Variants in ABCB9 observed in about 807,000 individuals in gnomAD.
The protein encoded by ABCB9 is ABC-type oligopeptide transporter ABCB9.
A neutral mutation model predicts 62.0 loss-of-function variants in ABCB9; 36 were observed. That is an observed-to-expected ratio of 0.58 (90% CI 0.45 to 0.77). The LOEUF (loss-of-function observed/expected upper bound fraction) is 0.77. ABCB9 is among the 30% of genes least tolerant of loss of function. The pLI, the probability that ABCB9 is intolerant of heterozygous loss-of-function variation, is 0.00. For missense variants in ABCB9, 943 were observed against 1,054.7 expected (o/e 0.89, Z 1.47); for synonymous variants, 435 against 461.4 (o/e 0.94, Z 0.73).
chr12:122,929,086 T>G lies in ABCB9; in HGVS notation c.*825A>C, dbSNP rs2034998793. The G allele has an allele frequency of 1.0e-6, 1 of 981,674 alleles. No individual in the cohort carries two copies. The highest frequency in any genetic ancestry group is 1.8e-5 in the African/African-American group (1 of 56,126). The allele number at this position is 981,674 out of a possible 1,614,324, so 60.8% of individuals were successfully genotyped here. ...GATCCTGGGCTTTGCCACCATCCCA[T>G]CCACCAAAGACAGAAGAGAATGCAT... On this transcript the variant is annotated 3_prime_UTR_variant, in exon 12 of 12. Coordinates refer to ENST00000280560, the MANE Select transcript of ABCB9 (RefSeq NM_019625.4). The surrounding 1 kb of genome is among the most constrained non-coding windows in gnomAD (Gnocchi z 6.0).
At chr12:122,920,702 T>C (rs1024181056), downstream of ABCB9, among the ~76,000 whole-genome samples, 3 of 151,698 alleles carry the variant, frequency 2.0e-5, no homozygotes, top group African/African-American at 7.3e-5. Flanking sequence ...GTCAGGACTT[T>C]GAGACCAGCC....
At chr12:122,971,651 C>A (rs1312575804) in intron 1 of ABCB9, among the ~76,000 whole-genome samples, 1 of 152,006 alleles carries the variant, frequency 6.6e-6, no homozygotes, top group African/African-American at 2.4e-5. Flanking sequence ...GGGATTTTGC[C>A]ATGTTGACCA....
intron 2 of ABCB9, chr12:122,951,712 G>A (rs1401138428): frequency 6.6e-6 from 1 of 152,130 alleles, no homozygotes; most frequent in East Asian, 1.9e-4. Context: ...TGGGGCACTT[G>A]ACACCTTGCT....
At position 122,960,283 on chromosome 12, in the gene ABCB9, C is replaced by T. The variant is rs746254660; in HGVS notation, c.-48G>A. On this transcript the variant is annotated 5_prime_UTR_variant, in exon 2 of 12. The change creates a new upstream start codon in the 5' untranslated region. Transcript: ENST00000280560. ...GTGCTGAAGGCCAGGTTGTAGCTCA[C>T]GGGGGCAAGGCCATCATCATCCACA... is the stretch of plus-strand genomic sequence containing the variant. 25 of 1,578,382 alleles carry T rather than the reference C, an allele frequency of 1.6e-5. No individual in the cohort carries two copies. The highest frequency in any genetic ancestry group is 2.3e-5 in the South Asian group (2 of 85,116).
chr12:122,969,185 C>CT (rs1336130543), upstream of ABCB9, among the ~76,000 whole-genome samples: 1 of 143,492 alleles, frequency 7.0e-6, no homozygotes, highest in Non-Finnish European at 1.5e-5. Context: ...CCCCCCCCCC[C>CT]CCCCCGGCTG....
chr12:122,929,580 G>A lies in ABCB9; in HGVS notation c.*331C>T. Reference sequence around the variant, plus strand: ...CCGCCATTACTCCCAATTAGAAAAAGGTTTTTGAAATCTAGGAGTTGACTG... The same window carrying A: ...CCGCCATTACTCCCAATTAGAAAAAAGTTTTTGAAATCTAGGAGTTGACTG... On this transcript the variant is annotated 3_prime_UTR_variant, in exon 12 of 12. Transcript: ENST00000280560. This position sits in a 1 kb window ranked among gnomAD's most constrained non-coding sequence, Gnocchi z 6.0. The A allele has an allele frequency of 8.9e-7, 1 of 1,129,716 alleles. No homozygotes were observed. Among genetic ancestry groups the A allele is most frequent in the Non-Finnish European group, 1.1e-6 (1 of 923,268 alleles). 70.0% of individuals were successfully genotyped at this position (1,129,716 alleles called of 1,614,324 possible). A position where few individuals can be genotyped will look rare whatever the true frequency, so the allele number is the denominator to read the frequency against.
chr12:122,969,184 C>G (rs868188143), upstream of ABCB9, among the ~76,000 whole-genome samples: 17 of 147,870 alleles, frequency 1.1e-4, 2 homozygotes, highest in Admixed American at 2.0e-4. Context: ...ACCCCCCCCC[C>G]CCCCCCGGCT....
upstream of ABCB9, among the ~76,000 whole-genome samples, chr12:122,966,895 G>A (rs189662209): frequency 6.6e-5 from 10 of 152,346 alleles, no homozygotes; most frequent in African/African-American, 2.4e-4. Context: ...TCTTTCATTC[G>A]TTCACCCAAC....
upstream of ABCB9, among the ~76,000 whole-genome samples, chr12:122,966,936 T>C (rs550955895): frequency 2.0e-5 from 3 of 152,380 alleles, no homozygotes; most frequent in East Asian, 3.9e-4. Flanking sequence ...CGGCGTGCCA[T>C]ATGCCCTTTT....
chr12:122,960,192 C>G lies in ABCB9; in HGVS notation c.44G>C (p.Ser15Thr). The G allele has an allele frequency of 6.2e-7, 1 of 1,613,500 alleles. No individual in the cohort carries two copies. The highest frequency in any genetic ancestry group is 8.5e-7 in the Non-Finnish European group (1 of 1,179,982). The change falls in exon 2 of 12, where the codon AGT (serine) becomes ACT (threonine). Residue 15 changes from serine (S) to threonine (T), a missense_variant. Coordinates refer to ENST00000280560, the MANE Select transcript of ABCB9 (RefSeq NM_019625.4). ...GGCCGTGGTCACGCAGATGTCCACA[C>G]TCATGAAGGCCAAAGTCACCACCAC... The part of the protein sequence containing the change: ...KAVVVTLAFM[S>T]VDICVTTAIY...
chr12:122,948,918 C>T (rs986017237), intron 4 of ABCB9, 89 bp from the exon 5 acceptor site: 2 of 864,610 alleles, frequency 2.3e-6, no homozygotes, highest in Admixed American at 4.2e-5. Flanking sequence ...GAGACAGACA[C>T]TGGGAAGCCG....
chr12:122,969,988 C>T (rs2037252433), upstream of ABCB9, among the ~76,000 whole-genome samples: 1 of 152,262 alleles, frequency 6.6e-6, no homozygotes, highest in South Asian at 2.1e-4. Context: ...GCTCTTACTA[C>T]ATGATCAGGC....
chr12:122,960,582 A>G (rs2036839966), intron 1 of ABCB9, among the ~76,000 whole-genome samples: 1 of 152,026 alleles, frequency 6.6e-6, no homozygotes, highest in East Asian at 1.9e-4. Flanking sequence ...TGACATACTC[A>G]TGCAGGAGAC....
downstream of ABCB9, among the ~76,000 whole-genome samples, chr12:122,928,825 A>G (rs1435266677): frequency 6.6e-6 from 1 of 152,026 alleles, no homozygotes; most frequent in Non-Finnish European, 1.5e-5. Context: ...TACACCAGAG[A>G]CCCTGGGATG....
exon 1 of ABCB9, chr12:122,974,926 C>G (rs907891802): frequency 1.3e-5 from 3 of 226,882 alleles, no homozygotes; most frequent in African/African-American, 6.8e-5. Flanking sequence ...GGTGGGTCGG[C>G]GTTTAAGTCA....
chr12:122,968,885 G>A (rs1338620322), upstream of ABCB9, among the ~76,000 whole-genome samples: 1 of 152,062 alleles, frequency 6.6e-6, no homozygotes, highest in Admixed American at 6.6e-5. Flanking sequence ...ACGGTGCTGG[G>A]ATTACAAGCA....
intron 7 of ABCB9, among the ~76,000 whole-genome samples, chr12:122,941,708 C>T (rs2035769388): frequency 6.6e-6 from 1 of 151,664 alleles, no homozygotes; most frequent in Admixed American, 6.6e-5. Flanking sequence ...ATAATAACGG[C>T]CCATTTTCTT....
In ABCB9 at chr12:122,959,702, G is replaced by A. The variant is rs757767660; in HGVS notation, c.534C>T (p.Leu178=). 3 of 1,608,872 alleles carry A rather than the reference G, an allele frequency of 1.9e-6. No homozygotes were observed. The highest frequency in any genetic ancestry group is 1.1e-5 in the South Asian group (1 of 90,922). Residue 178 remains leucine (L), a synonymous_variant, in exon 2 of 12, where the codon CTC becomes CTT. Coordinates refer to ENST00000280560, the MANE Select transcript of ABCB9 (RefSeq NM_019625.4). The surrounding 1 kb of genome is among the most constrained non-coding windows in gnomAD (Gnocchi z 5.4). ...QASGATLQKL[L]SYTKPDVAFL... is the part of the protein sequence containing the mutation. ...AGGCCACGTCGGGCTTGGTGTAGGAGAGCAGCTTCTGCAGCGTGGCCCCAG... is the reference window on the plus strand; with the variant it reads ...AGGCCACGTCGGGCTTGGTGTAGGAAAGCAGCTTCTGCAGCGTGGCCCCAG...
intron 1 of ABCB9, among the ~76,000 whole-genome samples, chr12:122,963,813 T>TCAGCAG (rs2037035451): frequency 6.6e-6 from 1 of 152,130 alleles, no homozygotes; most frequent in Admixed American, 6.5e-5. Flanking sequence ...AGTTGCTTAG[T>TCAGCAG]CAGCAGCTGC....
Sources: gnomAD v4.1 joint callset for allele counts (sites outside exome capture counted in the v4.1 genomes callset) on GRCh38, gnomAD v4.1.1 for gene constraint, Gnocchi (gnomAD v3.1) non-coding constraint, MANE v1.5 for transcripts, NCBI Gene and HGNC (gene_info 2026-07-23, HGNC 2026-07-21) for gene names.